Variants in TTK observed in about 807,000 individuals in gnomAD.
The protein encoded by TTK is TTK protein kinase, also known as dual specificity protein kinase TTK.
Under a neutral mutation model 117.3 loss-of-function variants are expected in TTK, and 59 were observed. The observed-to-expected ratio is 0.50, with a 90% confidence interval of 0.41 to 0.62. The LOEUF is 0.62. Ranked by LOEUF, TTK falls within the 20% of genes least tolerant of loss-of-function variation. The probability of loss-of-function intolerance (pLI) is 0.00; values close to 1 mark genes in which losing one functional copy is unlikely to be tolerated. For synonymous variants in TTK, 302 were observed against 325.0 expected, an observed-to-expected ratio of 0.93 and a Z score of 0.76; for missense variants, 921 against 989.4, an observed-to-expected ratio of 0.93 and a Z score of 0.93.
At chr6:80,031,393 G>A in intron 13 of TTK, 74 bp from the exon 14 acceptor site, 1 of 805,874 alleles carries the variant, frequency 1.2e-6, no homozygotes, top group Non-Finnish European at 1.8e-6. Context: ...ATGGGGAGCA[G>A]TTGACTGTAC....
intron 10 of TTK, among the ~76,000 whole-genome samples, chr6:80,019,081 A>G (rs1767391526): frequency 6.6e-6 from 1 of 152,180 alleles, no homozygotes; most frequent in Non-Finnish European, 1.5e-5. Context: ...TCAATTGCTA[A>G]TATTTCGTTT....
intron 14 of TTK, among the ~76,000 whole-genome samples, chr6:80,034,055 C>G (rs1341752522): frequency 3.9e-5 from 6 of 151,962 alleles, no homozygotes; most frequent in African/African-American, 1.5e-4. Flanking sequence ...AGTGATAAAG[C>G]AATGGCTGGC....
chr6:80,013,877 CTAT>C (rs1767234384), intron 9 of TTK, among the ~76,000 whole-genome samples: 4 of 152,030 alleles, frequency 2.6e-5, no homozygotes, highest in Admixed American at 2.6e-4. Context: ...AGTGGTTATA[CTAT>C]TATTATAATT....
At chr6:80,021,373 A>G (rs1454954319) in intron 10 of TTK, among the ~76,000 whole-genome samples, 3 of 152,154 alleles carry the variant, frequency 2.0e-5, no homozygotes, top group Non-Finnish European at 4.4e-5. Flanking sequence ...CAATTGCTCC[A>G]CTTGTTGGAA....
intron 13 of TTK, among the ~76,000 whole-genome samples, 194 bp downstream of exon 13, chr6:80,028,205 C>T (rs1382119011): frequency 2.0e-5 from 3 of 151,800 alleles, no homozygotes; most frequent in South Asian, 4.1e-4. Context: ...AAGAAGCTTA[C>T]GAAGCTACTC....
chr6:80,005,655 A>T lies in TTK; in HGVS notation c.-2-187A>T, dbSNP rs908475936. The T allele has an allele frequency of 2.9e-5, 16 of 547,312 alleles. No individual in the cohort carries two copies. The Admixed American group carries it at 5.5e-4, about 19-fold the overall frequency. 33.9% of individuals were successfully genotyped at this position (547,312 alleles called of 1,614,324 possible). ...ATACTTGGCCTATGAAACCTTGGTGAATAAATTACAAAGATGTGTACCTTG... is the reference window on the plus strand; with the variant it reads ...ATACTTGGCCTATGAAACCTTGGTGTATAAATTACAAAGATGTGTACCTTG... On this transcript the variant is annotated intron_variant, in intron 1 of 21. Coordinates refer to ENST00000369798, the MANE Select transcript of TTK (RefSeq NM_003318.5).
intron 10 of TTK, among the ~76,000 whole-genome samples, chr6:80,014,828 T>A (rs1274062421): frequency 2.6e-5 from 4 of 152,038 alleles, no homozygotes; most frequent in Non-Finnish European, 5.9e-5. Flanking sequence ...AACTGAGTTT[T>A]TTTTCTCAGT....
intron 10 of TTK, 151 bp from the exon 11 acceptor site, chr6:80,022,173 A>G: frequency 1.3e-6 from 1 of 780,384 alleles, no homozygotes; most frequent in South Asian, 2.8e-5. Flanking sequence ...CAAATTGTTA[A>G]GCAGCTGGCT....
At chr6:80,032,241 T>A (rs1764946260) in intron 14 of TTK, among the ~76,000 whole-genome samples, 1 of 152,172 alleles carries the variant, frequency 6.6e-6, no homozygotes, top group Admixed American at 6.5e-5. Flanking sequence ...TTACTTAGCA[T>A]TTGGGACAAC....
At chr6:80,011,058 T>A in intron 5 of TTK, 101 bp downstream of exon 5, 1 of 1,324,342 alleles carries the variant, frequency 7.6e-7, no homozygotes, top group Non-Finnish European at 1.0e-6. Context: ...GTAGAATGGT[T>A]AAAATCTAAG....
At chr6:80,036,739 A>T (rs1439825316) in intron 17 of TTK, 140 bp downstream of exon 17, 25 of 949,610 alleles carry the variant, frequency 2.6e-5, no homozygotes, top group Non-Finnish European at 3.6e-5. Flanking sequence ...AATAGATTTA[A>T]AAATATAAAC....
At chr6:80,024,388 G>C (rs1346451721) in intron 11 of TTK, among the ~76,000 whole-genome samples, 1 of 152,054 alleles carries the variant, frequency 6.6e-6, no homozygotes, top group Non-Finnish European at 1.5e-5. Context: ...AAGAAAATGT[G>C]GTACATCCAT....
In TTK at chr6:80,013,285, C is replaced by G; in HGVS notation, c.903C>G (p.Thr301=). 2 of 1,596,508 alleles carry G rather than the reference C, an allele frequency of 1.3e-6. No homozygotes were observed. Among genetic ancestry groups the G allele is most frequent in the Non-Finnish European group, 1.7e-6 (2 of 1,174,548 alleles). ...SVVPCFMKRQ[T]SRSECRDLVV... The stretch of plus-strand genomic sequence containing the variant: ...TTTGTTTCACGGGTAAAAGACAAAC[C>G]TCTAGATCAGAATGCCGAGATTTGG... Residue 301 remains threonine (T), a synonymous_variant, in exon 9 of 22, where the codon ACC becomes ACG. Transcript: ENST00000369798.
intron 2 of TTK, 163 bp downstream of exon 2, chr6:80,006,145 C>T: frequency 2.3e-6 from 2 of 873,826 alleles, no homozygotes; most frequent in Non-Finnish European, 1.8e-6. Flanking sequence ...TCTGTTATAT[C>T]CACAGAACTT....
At chr6:80,035,491 T>A in intron 16 of TTK, 74 bp downstream of exon 16, 1 of 1,403,764 alleles carries the variant, frequency 7.1e-7, no homozygotes, top group Non-Finnish European at 9.5e-7. Flanking sequence ...AATATACCTA[T>A]AATTTTAGGG....
chr6:80,011,097 A>G (rs1767134465), intron 5 of TTK, 140 bp downstream of exon 5: 22 of 1,130,668 alleles, frequency 1.9e-5, no homozygotes, highest in Non-Finnish European at 2.6e-5. Flanking sequence ...TAAGACTGAG[A>G]AGTAAAAAAG....
At chr6:80,036,395 C>T in intron 16 of TTK, 80 bp from the exon 17 acceptor site, 1 of 1,470,298 alleles carries the variant, frequency 6.8e-7, no homozygotes, top group Non-Finnish European at 9.1e-7. Flanking sequence ...ATAAATACAG[C>T]TTGACCTGTA....
chr6:80,041,831 TAA>T, intron 21 of TTK, among the ~76,000 whole-genome samples: 1 of 151,568 alleles, frequency 6.6e-6, no homozygotes, highest in East Asian at 1.9e-4. Flanking sequence ...TAAGAAAAAG[TAA>T]AGAGATAAAG....
intron 11 of TTK, 46 bp from the exon 12 acceptor site, chr6:80,026,332 C>T (rs753706611): frequency 6.4e-7 from 1 of 1,571,746 alleles, no homozygotes; most frequent in African/African-American, 1.4e-5. Flanking sequence ...AGTGAACAGG[C>T]AACTAATTTA....
Sources: allele counts gnomAD v4.1 joint callset (sites outside exome capture counted in the v4.1 genomes callset), GRCh38; gene constraint gnomAD v4.1.1; transcripts MANE v1.5; gene names NCBI Gene and HGNC (gene_info 2026-07-23, HGNC 2026-07-21).